LPP: variants seen among roughly 807,000 people sequenced by gnomAD.
LPP encodes the protein LIM domain containing preferred translocation partner in lipoma, also known as lipoma-preferred partner.
LPP carries 38 observed loss-of-function variants against 60.4 expected under a neutral mutation model. That is an observed-to-expected ratio of 0.63 (90% CI 0.49 to 0.83). LPP has a LOEUF of 0.83. Ranked by LOEUF, LPP falls within the 40% of genes least tolerant of loss-of-function variation. LPP has a pLI of 0.00. For synonymous variants in LPP, 328 were observed against 290.8 expected (o/e 1.13, Z -1.30); for missense variants, 902 against 783.6 (o/e 1.15, Z -1.80).
chr3:188,300,128 C>T (rs1015196711), intron 2 of LPP, among the ~76,000 whole-genome samples: 1 of 152,094 alleles, frequency 6.6e-6, no homozygotes, highest in African/African-American at 2.4e-5. Context: ...AGTCCATCAT[C>T]CAGGGACATC....
At chr3:188,848,901 G>A (rs889029317) in intron 9 of LPP, among the ~76,000 whole-genome samples, 4 of 151,804 alleles carry the variant, frequency 2.6e-5, no homozygotes, top group African/African-American at 9.7e-5. Flanking sequence ...AGGAGGCGGA[G>A]GTTGCAGTGA....
At chr3:188,253,557 G>T (rs572479528) in intron 2 of LPP, among the ~76,000 whole-genome samples, 4 of 152,112 alleles carry the variant, frequency 2.6e-5, no homozygotes, top group Non-Finnish European at 5.9e-5. Flanking sequence ...ACCATGACTA[G>T]GTGTGAAGGA....
intron 3 of LPP, among the ~76,000 whole-genome samples, chr3:188,377,239 T>G (rs2151153011): frequency 6.6e-6 from 1 of 152,312 alleles, no homozygotes; most frequent in East Asian, 1.9e-4. Context: ...TTTCCTGAAT[T>G]TGAATGTTGG....
intron 2 of LPP, among the ~76,000 whole-genome samples, chr3:188,308,337 T>G (rs1320040013): frequency 6.6e-6 from 1 of 152,128 alleles, no homozygotes; most frequent in African/African-American, 2.4e-5. Context: ...TGTCTATAAC[T>G]CTGCTTCTAG....
At chr3:188,538,216 T>A (rs1824166222) in intron 6 of LPP, among the ~76,000 whole-genome samples, 1 of 152,192 alleles carries the variant, frequency 6.6e-6, no homozygotes, top group African/African-American at 2.4e-5. Context: ...GAGTTGGACT[T>A]CCTCAGAATT....
chr3:188,723,659 G>A (rs1172477865), intron 8 of LPP, among the ~76,000 whole-genome samples: 2 of 151,792 alleles, frequency 1.3e-5, no homozygotes, highest in Non-Finnish European at 2.9e-5. Flanking sequence ...TGTCCTATTG[G>A]ATTCTAGAAT....
At chr3:188,262,984 GT>G (rs921158848) in intron 2 of LPP, among the ~76,000 whole-genome samples, 17 of 148,156 alleles carry the variant, frequency 1.1e-4, no homozygotes, top group African/African-American at 2.5e-4. Flanking sequence ...AAAGAGTGCA[GT>G]TTTTTTTTTT....
intron 1 of LPP, among the ~76,000 whole-genome samples, chr3:188,193,554 C>T (rs1196964875): frequency 2.6e-5 from 4 of 152,310 alleles, no homozygotes; most frequent in Non-Finnish European, 5.9e-5. Context: ...TATAAACTTG[C>T]CCTGCTTTCC....
chr3:188,522,598 A>C (rs927610990), intron 5 of LPP, among the ~76,000 whole-genome samples: 1 of 152,038 alleles, frequency 6.6e-6, no homozygotes, highest in African/African-American at 2.4e-5. Flanking sequence ...AAAGCTTCTC[A>C]TGAAGCTTAT....
chr3:188,717,801 A>G (rs1430153163), intron 8 of LPP, among the ~76,000 whole-genome samples: 2 of 152,046 alleles, frequency 1.3e-5, no homozygotes, highest in Admixed American at 6.6e-5. Flanking sequence ...TTTTTTATTA[A>G]TTTGGCTAGT....
intron 7 of LPP, among the ~76,000 whole-genome samples, chr3:188,696,630 AT>A (rs1863298810): frequency 6.6e-6 from 1 of 152,316 alleles, no homozygotes; most frequent in South Asian, 2.1e-4. Context: ...ACCCCATTTT[AT>A]TTTTGAAATA....
intron 4 of LPP, among the ~76,000 whole-genome samples, chr3:188,431,661 C>G (rs1008165448): frequency 4.6e-5 from 7 of 152,206 alleles, no homozygotes; most frequent in Admixed American, 2.6e-4. Flanking sequence ...ATGGAAAGGA[C>G]ACTCCCTGCA....
Position 188,890,099 on chromosome 3 carries a change from T to C in LPP, c.*15620T>C. Reference sequence around the variant, plus strand: ...ATAGTCTTATGTAAAGGTTAAATGGTGTTTACAAGTGGATAGATAAGGCGG... The same window carrying C: ...ATAGTCTTATGTAAAGGTTAAATGGCGTTTACAAGTGGATAGATAAGGCGG... On this transcript the variant is annotated 3_prime_UTR_variant, in exon 12 of 12. Transcript: ENST00000617246. 1 of 214,504 alleles carries C rather than the reference T, an allele frequency of 4.7e-6. No homozygotes were observed. The highest frequency in any genetic ancestry group is 9.4e-6 in the Non-Finnish European group (1 of 106,176). 13.3% of individuals were successfully genotyped at this position (214,504 alleles called of 1,614,324 possible). A position where few individuals can be genotyped will look rare whatever the true frequency, so the allele number is the denominator to read the frequency against.
At chr3:188,196,366 C>T (rs903770506) in intron 1 of LPP, among the ~76,000 whole-genome samples, 11 of 152,192 alleles carry the variant, frequency 7.2e-5, no homozygotes, top group Non-Finnish European at 1.5e-4. Flanking sequence ...TGAGTGACAT[C>T]GCCCAATCCT....
At chr3:188,801,663 T>A (rs1204997257) in intron 9 of LPP, among the ~76,000 whole-genome samples, 1 of 152,198 alleles carries the variant, frequency 6.6e-6, no homozygotes, top group Non-Finnish European at 1.5e-5. Flanking sequence ...ATCCGTGATG[T>A]CTTGACTCTT....
At chr3:188,454,100 T>C (rs1362064477) in intron 4 of LPP, among the ~76,000 whole-genome samples, 1 of 152,266 alleles carries the variant, frequency 6.6e-6, no homozygotes, top group Non-Finnish European at 1.5e-5. Context: ...GCAAGGCAGG[T>C]ACAGTTACTA....
intron 9 of LPP, among the ~76,000 whole-genome samples, chr3:188,764,670 GT>G (rs1733451281): frequency 6.6e-6 from 1 of 152,172 alleles, no homozygotes; most frequent in African/African-American, 2.4e-5. Context: ...CATAAGTATA[GT>G]TTTAGAAAAA....
intron 9 of LPP, among the ~76,000 whole-genome samples, chr3:188,772,792 T>C (rs761338711): frequency 1.3e-5 from 2 of 152,152 alleles, no homozygotes; most frequent in African/African-American, 2.4e-5. Flanking sequence ...GGTGAACCTA[T>C]TGCTGCTCTG....
At chr3:188,755,634 T>A (rs1031274705) in intron 8 of LPP, among the ~76,000 whole-genome samples, 4 of 151,458 alleles carry the variant, frequency 2.6e-5, no homozygotes, top group Admixed American at 1.3e-4. Context: ...CAAGACCCTA[T>A]CTGTACAGGA....
Sources: allele counts gnomAD v4.1 joint callset (sites outside exome capture counted in the v4.1 genomes callset), GRCh38; gene constraint gnomAD v4.1.1; transcripts MANE v1.5; gene names NCBI Gene and HGNC (gene_info 2026-07-23, HGNC 2026-07-21).